ARHGEF17: variants seen among roughly 807,000 people sequenced by gnomAD.
The protein encoded by ARHGEF17 is Rho guanine nucleotide exchange factor 17.
ARHGEF17 carries 80 observed loss-of-function variants against 174.0 expected under a neutral mutation model. That is an observed-to-expected ratio of 0.46 (90% CI 0.38 to 0.55). The LOEUF is 0.55. ARHGEF17 is among the 20% of genes least tolerant of loss of function. The pLI is 0.00. For synonymous variants in ARHGEF17, 1,311 were observed against 1,189.1 expected (o/e 1.10, Z -2.11); for missense variants, 2,886 against 2,839.7 (o/e 1.02, Z -0.37).
At position 73,309,676 on chromosome 11, in the gene ARHGEF17, T is replaced by C. The variant is rs773909794; in HGVS notation, c.1038T>C (p.Ser346=). The C allele has an allele frequency of 4.3e-6, 7 of 1,612,972 alleles. No homozygotes were observed. The highest frequency in any genetic ancestry group is 5.9e-6 in the Non-Finnish European group (7 of 1,180,024). ...AAGAAGGACTCCGGGAGTGGGGTAG[T>C]GGCTCTCCGCCCTGCGTCCCAGGTC... ...PREEGLREWG[S]GSPPCVPGPQ... The change falls in exon 1 of 21, where the codon AGT becomes AGC. Residue 346 remains serine, a synonymous_variant. Coordinates refer to ENST00000263674, the MANE Select transcript of ARHGEF17 (RefSeq NM_014786.4).
rs371062745 is a variant in ARHGEF17, at chr11:73,310,298, A to G, written c.1660A>G (p.Met554Val). Residue 554 changes from methionine (M) to valine (V), a missense_variant, in exon 1 of 21, where the codon ATG becomes GTG. Met to Val is a conservative substitution (Grantham distance 21). This residue lies in a region of ARHGEF17 where 1,728 missense variants were observed against 1,461.2 expected (regional missense o/e 1.18). Coordinates refer to ENST00000263674, the MANE Select transcript of ARHGEF17 (RefSeq NM_014786.4). ...AKSFTCSEKPMARRLPRTSAL... is the reference protein window; with the variant it reads ...AKSFTCSEKPVARRLPRTSAL... ...GTCATTCACCTGCTCTGAGAAGCCC[A>G]TGGCCCGCCGCCTGCCCCGCACCAG... 55 of 1,613,722 alleles carry G rather than the reference A, an allele frequency of 3.4e-5. No homozygotes were observed. The African/African-American group carries it at 6.4e-4, about 19-fold the overall frequency.
At chr11:73,324,963 G>C (rs776772977) in intron 1 of ARHGEF17, among the ~76,000 whole-genome samples, 1 of 152,134 alleles carries the variant, frequency 6.6e-6, no homozygotes, top group Non-Finnish European at 1.5e-5. Flanking sequence ...CTTGGTGCTG[G>C]AAAGCAGCTG....
At chr11:73,327,510 C>T (rs1442756976) in intron 1 of ARHGEF17, among the ~76,000 whole-genome samples, 4 of 152,226 alleles carry the variant, frequency 2.6e-5, no homozygotes, top group South Asian at 2.1e-4. Context: ...GGCCTTGCCC[C>T]GCTTAGTAGA....
chr11:73,343,177 C>A, intron 1 of ARHGEF17: 1 of 395,742 alleles, frequency 2.5e-6, no homozygotes. Context: ...GCCCAGTTCA[C>A]CATCGCGCTG....
At chr11:73,352,616 T>C (rs1865572731) in intron 2 of ARHGEF17, among the ~76,000 whole-genome samples, 1 of 152,150 alleles carries the variant, frequency 6.6e-6, no homozygotes, top group African/African-American at 2.4e-5. Flanking sequence ...CTTGCTCCCA[T>C]CTTGTGCCAG....
rs1865719320 is a variant in ARHGEF17, at chr11:73,360,472, C to T, written c.4359C>T (p.Phe1453=). The T allele has an allele frequency of 4.3e-6, 7 of 1,614,080 alleles. No individual in the cohort carries two copies. Among genetic ancestry groups the T allele is most frequent in the Non-Finnish European group, 5.9e-6 (7 of 1,180,054 alleles). The change falls in exon 11 of 21, where the codon TTC becomes TTT. Residue 1453 remains phenylalanine (F), a synonymous_variant. Transcript: ENST00000263674. ...GCACCGACTCCTACATTTTTGAGTTCCCTCACCCTGACGCCCGCCTTGGTT... is the reference window on the plus strand; with the variant it reads ...GCACCGACTCCTACATTTTTGAGTTTCCTCACCCTGACGCCCGCCTTGGTT... ...PEGTDSYIFE[F]PHPDARLGFE... is the part of the protein sequence containing the mutation.
chr11:73,366,922 C>G (rs1565212456), intron 20 of ARHGEF17, among the ~76,000 whole-genome samples: 1 of 152,090 alleles, frequency 6.6e-6, no homozygotes, highest in Non-Finnish European at 1.5e-5. Flanking sequence ...CGCCTGTAAT[C>G]CCAGCTACTC....
intron 3 of ARHGEF17, among the ~76,000 whole-genome samples, chr11:73,354,980 CAGG>C (rs1028747276): frequency 1.3e-5 from 2 of 152,230 alleles, no homozygotes; most frequent in Non-Finnish European, 2.9e-5. Flanking sequence ...CCTAGGAGAT[CAGG>C]AGAAGCCAGA....
intron 1 of ARHGEF17, among the ~76,000 whole-genome samples, chr11:73,338,307 A>G (rs79794992): frequency 0.078 from 11,834 of 152,220 alleles, 590 homozygotes; most frequent in Non-Finnish European, 0.1. Flanking sequence ...CCAAGCCAGG[A>G]TTTGGGATTG....
intron 1 of ARHGEF17, among the ~76,000 whole-genome samples, chr11:73,339,625 G>A (rs1367221661): frequency 3.9e-5 from 6 of 152,166 alleles, no homozygotes; most frequent in African/African-American, 1.2e-4. Flanking sequence ...GAGGCAGGTA[G>A]TCAGGGTATT....
rs746784086 is a variant in ARHGEF17 at position 73,310,054 on chromosome 11, G to A, written c.1416G>A (p.Leu472=). The change falls in exon 1 of 21, where the codon CTG becomes CTA. Residue 472 remains leucine, a synonymous_variant. Transcript: ENST00000263674. The part of the protein sequence containing the change: ...LSNPDIASET[L]TLLSFLRSDL... The stretch of plus-strand genomic sequence containing the variant: ...ATCCAGATATCGCCTCAGAGACCCT[G>A]ACGCTTCTCAGTTTCCTGCGCTCAG... 22 of 1,614,186 alleles carry A rather than the reference G, an allele frequency of 1.4e-5. No individual in the cohort carries two copies. In the East Asian group the frequency reaches 4.7e-4, roughly 34 times the overall value.
intron 1 of ARHGEF17, among the ~76,000 whole-genome samples, chr11:73,345,513 G>T (rs372194411): frequency 1.0e-3 from 153 of 152,126 alleles, no homozygotes; most frequent in African/African-American, 3.6e-3. Context: ...AAGCAGAGGG[G>T]GAGCAGTGGC....
chr11:73,311,319 C>T lies in ARHGEF17; in HGVS notation c.2681C>T (p.Pro894Leu), dbSNP rs774369382. The change falls in exon 1 of 21, where the codon CCT becomes CTT. Residue 894 changes from proline to leucine, a missense_variant. By Grantham distance (98) the Pro-to-Leu change is moderately conservative (BLOSUM62 -3). Coordinates refer to ENST00000263674, the MANE Select transcript of ARHGEF17 (RefSeq NM_014786.4). ...QSERALPEAL[P>L]PPATAHRNFH... ...GAAAGGGCCCTACCTGAGGCTCTGC[C>T]TCCCCCTGCCACTGCCCACCGAAAC... 5 of 1,613,170 alleles carry T rather than the reference C, an allele frequency of 3.1e-6. No individual in the cohort carries two copies. In the Admixed American group the frequency reaches 5.0e-5, roughly 16 times the overall value.
At chr11:73,328,122 G>A (rs1865133886) in intron 1 of ARHGEF17, among the ~76,000 whole-genome samples, 1 of 152,172 alleles carries the variant, frequency 6.6e-6, no homozygotes, top group Admixed American at 6.5e-5. Flanking sequence ...AAGTGACCTA[G>A]CTGGCTGAGG....
chr11:73,332,350 CGT>C (rs58725771), intron 1 of ARHGEF17, among the ~76,000 whole-genome samples: 4,352 of 120,572 alleles, frequency 0.036, 100 homozygotes, highest in South Asian at 0.053. Flanking sequence ...GCTTTTTCTC[CGT>C]GTGTGTGTGT....
At chr11:73,339,082 C>A (rs1227458914) in intron 1 of ARHGEF17, among the ~76,000 whole-genome samples, 1 of 152,138 alleles carries the variant, frequency 6.6e-6, no homozygotes, top group Non-Finnish European at 1.5e-5. Context: ...GTTGTGCCTC[C>A]ACTCCCAGGA....
intron 1 of ARHGEF17, among the ~76,000 whole-genome samples, chr11:73,334,456 G>C (rs1053876243): frequency 9.9e-5 from 15 of 152,274 alleles, no homozygotes; most frequent in African/African-American, 3.6e-4. Context: ...GGTCACACAC[G>C]TAGGCTGCTG....
chr11:73,363,840 C>A lies in ARHGEF17; in HGVS notation c.5333+7C>A. On this transcript the variant is annotated splice_region_variant and intron_variant, in intron 16 of 20. Transcript: ENST00000263674. ...CCTCTGTGACCTGCATCTTGTAAGG[C>A]CCCAGGGTGGCCCTTCCTATCTAGA... 1 of 1,613,634 alleles carries A rather than the reference C, an allele frequency of 6.2e-7. No homozygotes were observed. Among genetic ancestry groups the A allele is most frequent in the Non-Finnish European group, 8.5e-7 (1 of 1,179,902 alleles).
In ARHGEF17 at chr11:73,346,257, C is replaced by T. The variant is rs184945081; in HGVS notation, c.3193-626C>T. Among the ~76,000 whole-genome samples, 150 of 152,282 alleles carry T rather than the reference C, an allele frequency of 9.9e-4. 1 individual carries two copies. Among genetic ancestry groups the T allele is most frequent in the African/African-American group, 3.3e-3 (139 of 41,534 alleles). ...ATGTCATGCTTAGAACAGTGCCTGG[C>T]GCATAGGAGGGCATAGTTAATGTTT... On this transcript the variant is annotated intron_variant, in intron 1 of 20. Transcript: ENST00000263674.
Sources: allele counts gnomAD v4.1 joint callset (sites outside exome capture counted in the v4.1 genomes callset), GRCh38; gene constraint gnomAD v4.1.1; regional missense constraint gnomAD v4.1.1; transcripts MANE v1.5; gene names NCBI Gene and HGNC (gene_info 2026-07-23, HGNC 2026-07-21).